Variants in DAB2IP observed in about 807,000 individuals in gnomAD.
DAB2IP encodes the protein disabled homolog 2-interacting protein.
Under a neutral mutation model 107.2 loss-of-function variants are expected in DAB2IP, and 28 were observed. The ratio of observed to expected loss-of-function variants is 0.26; its 90% CI spans 0.19 to 0.36. DAB2IP has a LOEUF of 0.36. Ranked by LOEUF, DAB2IP falls within the 10% of genes least tolerant of loss-of-function variation. The pLI is 1.00. For synonymous variants in DAB2IP, 755 were observed against 706.4 expected (o/e 1.07, Z -1.09); for missense variants, 1,400 against 1,644.7 (o/e 0.85, Z 2.57).
rs1484728856 is a variant in DAB2IP at position 121,701,465 on chromosome 9, C to T, written c.362+2007C>T. ...GGTTGGAGCAGAATGTCACTGGCAG[C>T]GGTGTGGAATTGTCTTATTAATTTT... On this transcript the variant is annotated intron_variant, in intron 3 of 15. Transcript: ENST00000408936. The surrounding 1 kb of genome is among the most constrained non-coding windows in gnomAD (Gnocchi z 4.7). 3.3e-5 allele frequency among the ~76,000 whole-genome samples: 5 copies of T among 152,240 alleles called. 1 individual carries two copies. The East Asian group carries it at 9.6e-4, about 29-fold the overall frequency.
At chr9:121,587,705 G>A (rs917854317) in intron 1 of DAB2IP, among the ~76,000 whole-genome samples, 1 of 152,094 alleles carries the variant, frequency 6.6e-6, no homozygotes, top group Non-Finnish European at 1.5e-5. Context: ...TTGGACAATG[G>A]GGAGCCACCA....
At position 121,684,718 on chromosome 9, in the gene DAB2IP, G is replaced by A. The variant is rs1040790577; in HGVS notation, c.228+5937G>A. On this transcript the variant is annotated intron_variant, in intron 2 of 15. Coordinates refer to ENST00000408936, the Ensembl canonical transcript of DAB2IP. The surrounding 1 kb of genome is among the most constrained non-coding windows in gnomAD (Gnocchi z 4.0). The stretch of plus-strand genomic sequence containing the variant: ...GCCCCTTCCAAGCTACGGAGGCTCC[G>A]GGTGGCTGTTGGGGTGGGGAACAGA... 7.2e-5 allele frequency among the ~76,000 whole-genome samples: 11 copies of A among 152,316 alleles called. No individual in the cohort carries two copies. The highest frequency in any genetic ancestry group is 1.2e-4 in the Non-Finnish European group (8 of 68,030).
chr9:121,763,580 A>C (rs770740422), exon 7 of DAB2IP: 2 of 1,613,938 alleles, frequency 1.2e-6, no homozygotes, highest in Non-Finnish European at 1.7e-6. Flanking sequence ...CCGGGAGAAC[A>C]CACTGGCCAC....
rs1835182437 is a variant in DAB2IP at position 121,776,133 on chromosome 9, G to A, written c.3121-65G>A. On this transcript the variant is annotated intron_variant, in intron 13 of 15. Coordinates refer to ENST00000408936, the Ensembl canonical transcript of DAB2IP. This position sits in a 1 kb window ranked among gnomAD's most constrained non-coding sequence, Gnocchi z 5.4. ...CTCCCTCCTACCCTTCCTCCCACTCGGGCTGACGAAGCTGTGCTCTCTGTG... is the reference window on the plus strand; with the variant it reads ...CTCCCTCCTACCCTTCCTCCCACTCAGGCTGACGAAGCTGTGCTCTCTGTG... 3.3e-6 allele frequency: 5 copies of A among 1,534,418 alleles called. No homozygotes were observed. Among genetic ancestry groups the A allele is most frequent in the Non-Finnish European group, 4.4e-6 (5 of 1,137,252 alleles).
chr9:121,771,763 G>A (rs974372986), intron 11 of DAB2IP, among the ~76,000 whole-genome samples: 1 of 152,140 alleles, frequency 6.6e-6, no homozygotes, highest in East Asian at 1.9e-4. Flanking sequence ...AGGCCCGTGA[G>A]CACTGCAGCC....
chr9:121,713,847 C>T (rs1051253241), intron 3 of DAB2IP, among the ~76,000 whole-genome samples: 2 of 152,210 alleles, frequency 1.3e-5, no homozygotes, highest in African/African-American at 2.4e-5. Flanking sequence ...CCATTCTGGT[C>T]CCAAAGCAAG....
rs768892096 is a variant in DAB2IP, at chr9:121,699,411, C to A, written c.315C>A (p.Ile105=). 4 of 1,470,660 alleles carry A rather than the reference C, an allele frequency of 2.7e-6. No individual in the cohort carries two copies. Among genetic ancestry groups the A allele is most frequent in the Admixed American group, 2.1e-5 (1 of 48,164 alleles). The allele number at this position is 1,470,660 out of a possible 1,614,324, so 91.1% of individuals were successfully genotyped here. A position where few individuals can be genotyped will look rare whatever the true frequency, so the allele number is the denominator to read the frequency against. ...ACCGCAACCACAGCTTCCGCCACAT[C>A]CTGCCGGGGTTCCGGAGCGCCGCCG... is the stretch of plus-strand genomic sequence containing the variant. Residue 105 remains isoleucine (I), a synonymous_variant, in exon 3 of 16, where the codon ATC becomes ATA. Transcript: ENST00000408936. This position sits in a 1 kb window ranked among gnomAD's most constrained non-coding sequence, Gnocchi z 6.2.
chr9:121,781,454 CTGGCTA>C lies in DAB2IP; in HGVS notation c.3315-8_3315-3del. 2 of 1,613,934 alleles carry C rather than the reference CTGGCTA, an allele frequency of 1.2e-6. No individual in the cohort carries two copies. The highest frequency in any genetic ancestry group is 1.7e-6 in the Non-Finnish European group (2 of 1,179,916). On this transcript the variant is annotated splice_region_variant and splice_polypyrimidine_tract_variant and intron_variant, in intron 14 of 15. Transcript: ENST00000408936. ...AGGGCCAGTCTGACTGTCTCTGTCT[CTGGCTA>C]TAGGTTGATGTCCGTGGAGGAAGAA...
rs1461446823 is a variant in DAB2IP, at chr9:121,733,345, C to T, written c.363-23668C>T. Among the ~76,000 whole-genome samples, 5 of 152,360 alleles carry T rather than the reference C, an allele frequency of 3.3e-5. No homozygotes were observed. The South Asian group carries it at 6.2e-4, about 19-fold the overall frequency. ...CATCTCTCCCCACGGGATGTACAGGCGTTGCCTGGAGGTATTCCTTGACAG... is the reference window on the plus strand; with the variant it reads ...CATCTCTCCCCACGGGATGTACAGGTGTTGCCTGGAGGTATTCCTTGACAG... On this transcript the variant is annotated intron_variant, in intron 3 of 15. Transcript: ENST00000408936.
intron 3 of DAB2IP, among the ~76,000 whole-genome samples, chr9:121,743,910 T>C (rs1832533082): frequency 6.6e-6 from 1 of 152,138 alleles, no homozygotes; most frequent in African/African-American, 2.4e-5. Flanking sequence ...CGGCCCAGAA[T>C]GTAGAAACGG....
rs1452904869 is a variant in DAB2IP at position 121,783,646 on chromosome 9, C to T, written c.*1148C>T. On this transcript the variant is annotated 3_prime_UTR_variant, in exon 16 of 16. Transcript: ENST00000408936. ...GCGGCCCTGGAGGATGTTAGACTTG[C>T]TCCCTCTCCAAGACAGCAGCAGCCT... 8 of 1,464,768 alleles carry T rather than the reference C, an allele frequency of 5.5e-6. No homozygotes were observed. In the African/African-American group the frequency reaches 7.0e-5, roughly 13 times the overall value. The allele number at this position is 1,464,768 out of a possible 1,614,324, so 90.7% of individuals were successfully genotyped here. A position where few individuals can be genotyped will look rare whatever the true frequency, so the allele number is the denominator to read the frequency against.
chr9:121,721,682 A>T (rs949699282), intron 3 of DAB2IP, among the ~76,000 whole-genome samples: 103 of 152,364 alleles, frequency 6.8e-4, no homozygotes, highest in African/African-American at 2.4e-3. Flanking sequence ...TTGATTCAAA[A>T]CTTAAAAATG....
intron 1 of DAB2IP, among the ~76,000 whole-genome samples, chr9:121,593,445 A>G (rs1830455777): frequency 6.6e-6 from 1 of 150,944 alleles, no homozygotes; most frequent in South Asian, 2.1e-4. Context: ...TTGTCTTTTC[A>G]ATTTTTTGTA....
chr9:121,677,112 G>A (rs891946522), intron 1 of DAB2IP, among the ~76,000 whole-genome samples: 12 of 152,178 alleles, frequency 7.9e-5, no homozygotes, highest in African/African-American at 2.4e-4. Context: ...AATTAGCGCC[G>A]AGTGGCTGGC....
rs537969115 is a variant in DAB2IP, at chr9:121,699,645, C to A, written c.362+187C>A. Among the ~76,000 whole-genome samples, 1 of 152,052 alleles carries A rather than the reference C, an allele frequency of 6.6e-6. No individual in the cohort carries two copies. Among genetic ancestry groups the A allele is most frequent in the South Asian group, 2.1e-4 (1 of 4,822 alleles). On this transcript the variant is annotated intron_variant, in intron 3 of 15. Transcript: ENST00000408936. The surrounding 1 kb of genome is among the most constrained non-coding windows in gnomAD (Gnocchi z 6.2). The stretch of plus-strand genomic sequence containing the variant: ...GGGGGCCCGAGGGGAGGACCCTGTG[C>A]CTCCCTCCGGGGTTAGGTGAGTAGA...
intron 14 of DAB2IP, among the ~76,000 whole-genome samples, chr9:121,780,182 GGC>G (rs1835507697): frequency 6.6e-6 from 1 of 152,036 alleles, no homozygotes; most frequent in African/African-American, 2.4e-5. Context: ...CAATGTGCCC[GGC>G]CCTATTTGTT....
chr9:121,745,161 G>A (rs759423375), intron 3 of DAB2IP, among the ~76,000 whole-genome samples: 1 of 152,224 alleles, frequency 6.6e-6, no homozygotes, highest in African/African-American at 2.4e-5. Flanking sequence ...AGGTGTCAGA[G>A]CCTCATTCTT....
intron 3 of DAB2IP, among the ~76,000 whole-genome samples, chr9:121,717,222 T>A (rs563970480): frequency 6.6e-5 from 10 of 152,314 alleles, no homozygotes; most frequent in African/African-American, 2.4e-4. Flanking sequence ...GTGGTGGGAC[T>A]TCGGGTCAAG....
intron 1 of DAB2IP, among the ~76,000 whole-genome samples, chr9:121,590,494 T>G (rs1205171902): frequency 1.3e-5 from 2 of 152,108 alleles, no homozygotes; most frequent in East Asian, 3.9e-4. Flanking sequence ...GAGAACAGGC[T>G]CTGTCATCTA....
Sources: gnomAD v4.1 joint callset for allele counts (sites outside exome capture counted in the v4.1 genomes callset) on GRCh38, gnomAD v4.1.1 for gene constraint, Gnocchi (gnomAD v3.1) non-coding constraint, MANE v1.5 for transcripts, NCBI Gene and HGNC (gene_info 2026-07-23, HGNC 2026-07-21) for gene names.